Variants in EPHA7 observed in about 807,000 individuals in gnomAD.
EPHA7 encodes the protein ephrin type-A receptor 7.
EPHA7 carries 25 observed loss-of-function variants against 112.6 expected under a neutral mutation model. The ratio of observed to expected loss-of-function variants is 0.22; its 90% CI spans 0.16 to 0.31. The LOEUF is 0.31. Ranked by LOEUF, EPHA7 falls within the 10% of genes least tolerant of loss-of-function variation. The pLI, the probability that EPHA7 is intolerant of heterozygous loss-of-function variation, is 1.00. For synonymous variants in EPHA7, 437 were observed against 406.5 expected (o/e 1.07, Z -0.90); for missense variants, 962 against 1,212.6 (o/e 0.79, Z 3.07).
At chr6:93,373,740 G>A (rs950262184) in intron 3 of EPHA7, among the ~76,000 whole-genome samples, 4 of 151,332 alleles carry the variant, frequency 2.6e-5, no homozygotes, top group African/African-American at 9.7e-5. Flanking sequence ...TGCTCTATTT[G>A]TCACTCTTCT....
At chr6:93,396,265 T>A (rs1778166702) in intron 3 of EPHA7, among the ~76,000 whole-genome samples, 1 of 151,882 alleles carries the variant, frequency 6.6e-6, no homozygotes, top group South Asian at 2.1e-4. Context: ...TATACAGAAC[T>A]ATTCAGTAGG....
At position 93,315,152 on chromosome 6, in the gene EPHA7, G is replaced by A. The variant is rs192565413; in HGVS notation, c.1324+41565C>T. On this transcript the variant is annotated intron_variant, in intron 5 of 16. Transcript: ENST00000369303. ...GCTGGGATTACAGGCGTGAGCCACC[G>A]CGCCTGGCCGACAATATAATTTTCT... Among the ~76,000 whole-genome samples, 26 of 150,462 alleles carry A rather than the reference G, an allele frequency of 1.7e-4. No individual in the cohort carries two copies. In the East Asian group the frequency reaches 3.9e-3, roughly 22 times the overall value.
At chr6:93,293,796 T>G (rs1772508749) in intron 5 of EPHA7, among the ~76,000 whole-genome samples, 1 of 152,182 alleles carries the variant, frequency 6.6e-6, no homozygotes, top group African/African-American at 2.4e-5. Context: ...TGGAAAAATG[T>G]TATATGTTAA....
intron 5 of EPHA7, among the ~76,000 whole-genome samples, chr6:93,343,231 T>C (rs1484720157): frequency 6.6e-6 from 1 of 151,666 alleles, no homozygotes; most frequent in Non-Finnish European, 1.5e-5. Flanking sequence ...AATTAAAACA[T>C]AATCAAATTT....
At chr6:93,369,180 C>CCACACACACACACA (rs35708007) in intron 3 of EPHA7, among the ~76,000 whole-genome samples, 2 of 144,822 alleles carry the variant, frequency 1.4e-5, no homozygotes, top group African/African-American at 5.1e-5. Context: ...AAAATAAAGG[C>CCACACACACACACA]CACACACACA....
At position 93,276,295 on chromosome 6, in the gene EPHA7, T is replaced by C. The variant is rs1304536757; in HGVS notation, c.1325-3873A>G. On this transcript the variant is annotated intron_variant, in intron 5 of 16. Coordinates refer to ENST00000369303, the MANE Select transcript of EPHA7 (RefSeq NM_004440.4). ...GTGGGAGGAACCAACTTGCCATTGT[T>C]GGAGGGGACCTCAGAGAAACATGCA... Among the ~76,000 whole-genome samples, 4 of 152,188 alleles carry C rather than the reference T, an allele frequency of 2.6e-5. No homozygotes were observed. In the South Asian group the frequency reaches 8.3e-4, roughly 32 times the overall value.
chr6:93,308,450 TGTG>T (rs1257582644), intron 5 of EPHA7, among the ~76,000 whole-genome samples: 3 of 152,142 alleles, frequency 2.0e-5, no homozygotes, highest in African/African-American at 7.2e-5. Context: ...TCTTTAAACA[TGTG>T]GTGTGTATGT....
At chr6:93,391,146 A>G (rs902802503) in intron 3 of EPHA7, among the ~76,000 whole-genome samples, 38 of 151,964 alleles carry the variant, frequency 2.5e-4, no homozygotes, top group African/African-American at 8.9e-4. Flanking sequence ...TAGCCTTGTT[A>G]TAAGTGTACT....
rs900473441 is a variant in EPHA7 at position 93,243,580 on chromosome 6, A to C, written c.2883-40T>G. 2.2e-6 allele frequency: 3 copies of C among 1,358,534 alleles called. No individual in the cohort carries two copies. The Admixed American group carries it at 5.0e-5, about 23-fold the overall frequency. The allele number at this position is 1,358,534 out of a possible 1,614,324, so 84.2% of individuals were successfully genotyped here. A position where few individuals can be genotyped will look rare whatever the true frequency, so the allele number is the denominator to read the frequency against. On this transcript the variant is annotated intron_variant, in intron 16 of 16. Coordinates refer to ENST00000369303, the MANE Select transcript of EPHA7 (RefSeq NM_004440.4). ...TGCACTTTTTATTAGGTACCTTACA[A>C]AGAATAAATGTGGCACTAAACTGTC...
At chr6:93,263,513 C>A (rs1397259424) in intron 9 of EPHA7, among the ~76,000 whole-genome samples, 1 of 151,290 alleles carries the variant, frequency 6.6e-6, no homozygotes, top group Admixed American at 6.6e-5. Context: ...ATCTTTGTAA[C>A]CTGACATGAC....
chr6:93,263,738 C>T (rs1250312824), intron 9 of EPHA7, 122 bp downstream of exon 9: 2 of 604,220 alleles, frequency 3.3e-6, no homozygotes, highest in Non-Finnish European at 5.6e-6. Flanking sequence ...TTTAAAGCAA[C>T]ATTTTGAGCT....
At chr6:93,281,470 TAA>T (rs1270998745) in intron 5 of EPHA7, among the ~76,000 whole-genome samples, 4 of 152,198 alleles carry the variant, frequency 2.6e-5, no homozygotes, top group Non-Finnish European at 2.9e-5. Flanking sequence ...GGCTTTGCTT[TAA>T]TGACAAAATA....
intron 3 of EPHA7, among the ~76,000 whole-genome samples, chr6:93,387,971 AT>A (rs1777710473): frequency 3.4e-5 from 5 of 148,264 alleles, no homozygotes; most frequent in South Asian, 4.3e-4. Flanking sequence ...AGATAGATAG[AT>A]AGATAGAATA....
At chr6:93,417,622 G>T (rs1779305239) in intron 1 of EPHA7, among the ~76,000 whole-genome samples, 1 of 152,148 alleles carries the variant, frequency 6.6e-6, no homozygotes, top group South Asian at 2.1e-4. Context: ...GTGTTCGCGC[G>T]CGGGGTTTCG....
At chr6:93,318,550 AAATTAT>A (rs1215708307) in intron 5 of EPHA7, among the ~76,000 whole-genome samples, 2 of 152,090 alleles carry the variant, frequency 1.3e-5, no homozygotes. Flanking sequence ...CTTAATCTTA[AAATTAT>A]ATTTTCTGCT....
At position 93,240,095 on chromosome 6, in the gene EPHA7, AAG is replaced by A. The variant is rs1348724623; in HGVS notation, c.*3329_*3330del. ...AGAGACTTATGATTCATGTTGAAGA[AAG>A]AGTTATTTGTGCTTGATACATTGAA... On this transcript the variant is annotated 3_prime_UTR_variant, in exon 17 of 17. Coordinates refer to ENST00000369303, the MANE Select transcript of EPHA7 (RefSeq NM_004440.4). 4.5e-6 allele frequency: 1 copy of A among 223,970 alleles called. No individual in the cohort carries two copies. The highest frequency in any genetic ancestry group is 8.9e-6 in the Non-Finnish European group (1 of 112,278). The allele number at this position is 223,970 out of a possible 1,614,324, so 13.9% of individuals were successfully genotyped here.
At chr6:93,338,039 C>T (rs12528847) in intron 5 of EPHA7, among the ~76,000 whole-genome samples, 7,228 of 151,968 alleles carry the variant, frequency 0.048, 223 homozygotes, top group African/African-American at 0.072. Flanking sequence ...AGGGAGATAA[C>T]TCATCAAACA....
intron 5 of EPHA7, among the ~76,000 whole-genome samples, chr6:93,301,169 C>G (rs1291471563): frequency 2.0e-5 from 3 of 152,110 alleles, no homozygotes; most frequent in African/African-American, 7.2e-5. Flanking sequence ...AAATATCTGG[C>G]CACAGTAAAT....
At chr6:93,265,397 T>A (rs1770885131) in intron 7 of EPHA7, among the ~76,000 whole-genome samples, 1 of 151,698 alleles carries the variant, frequency 6.6e-6, no homozygotes, top group Non-Finnish European at 1.5e-5. Context: ...TATACAATAC[T>A]AAATAATTCT....
Sources: allele counts gnomAD v4.1 joint callset (sites outside exome capture counted in the v4.1 genomes callset), GRCh38; gene constraint gnomAD v4.1.1; transcripts MANE v1.5; gene names NCBI Gene and HGNC (gene_info 2026-07-23, HGNC 2026-07-21).